Variants in TNFRSF11A observed in about 807,000 individuals in gnomAD.
TNFRSF11A encodes the protein tumor necrosis factor receptor superfamily member 11A.
TNFRSF11A carries 32 observed loss-of-function variants against 55.7 expected under a neutral mutation model. The ratio of observed to expected loss-of-function variants is 0.57; its 90% CI spans 0.43 to 0.77. TNFRSF11A has a LOEUF of 0.77. Among genes scored for constraint, TNFRSF11A ranks in the 30% least tolerant of loss-of-function variants. The pLI is 0.00. For missense variants in TNFRSF11A, 753 were observed against 809.8 expected, an observed-to-expected ratio of 0.93 and a Z score of 0.85; for synonymous variants, 311 against 331.0, an observed-to-expected ratio of 0.94 and a Z score of 0.65.
chr18:62,361,280 C>T (rs1251775476), intron 6 of TNFRSF11A, among the ~76,000 whole-genome samples: 1 of 151,690 alleles, frequency 6.6e-6, no homozygotes, highest in African/African-American at 2.4e-5. Flanking sequence ...CAGCAAACCC[C>T]TGGTGCCCTG....
chr18:62,365,306 G>T (rs1171144646), intron 7 of TNFRSF11A, among the ~76,000 whole-genome samples: 1 of 152,202 alleles, frequency 6.6e-6, no homozygotes, highest in Admixed American at 6.5e-5. Context: ...ATGTTCATTA[G>T]AAGTGGGATA....
At chr18:62,366,125 G>A (rs1910069798) in intron 7 of TNFRSF11A, among the ~76,000 whole-genome samples, 1 of 152,192 alleles carries the variant, frequency 6.6e-6, no homozygotes, top group African/African-American at 2.4e-5. Flanking sequence ...GCCCTTCATA[G>A]CCTTTAAATC....
At position 62,386,558 on chromosome 18, in the gene TNFRSF11A, C is replaced by G. The variant is rs1186118668; in HGVS notation, c.*1524C>G. On this transcript the variant is annotated 3_prime_UTR_variant, in exon 10 of 10. Coordinates refer to ENST00000586569, the MANE Select transcript of TNFRSF11A (RefSeq NM_003839.4). ...TGTTACCCAGTGAGCACTGGTTCCC[C>G]GCAAATACTGGGGAAAAGCAAAAAT... 6.6e-6 allele frequency: 1 copy of G among 152,104 alleles called. No homozygotes were observed. The highest frequency in any genetic ancestry group is 2.4e-5 in the African/African-American group (1 of 41,392). The allele number at this position is 152,104 out of a possible 1,614,324, so 9.4% of individuals were successfully genotyped here.
intron 3 of TNFRSF11A, 57 bp downstream of exon 3, chr18:62,349,994 T>A: frequency 6.2e-7 from 1 of 1,607,340 alleles, no homozygotes; most frequent in Non-Finnish European, 8.5e-7. Flanking sequence ...GACCTCTTTT[T>A]CTATAGAAAC....
rs386387923 is a variant in TNFRSF11A at position 62,363,365 on chromosome 18, C to CT, written c.730+1593dup. On this transcript the variant is annotated intron_variant, in intron 7 of 9. Coordinates refer to ENST00000586569, the MANE Select transcript of TNFRSF11A (RefSeq NM_003839.4). ...AGTGAGCAATGTTTGAGTGATGACCCTTTTTTTTTTTTTTTTTTTTTGAGA... is the reference window on the plus strand; with the variant it reads ...AGTGAGCAATGTTTGAGTGATGACCCTTTTTTTTTTTTTTTTTTTTTTGAGA... Among the ~76,000 whole-genome samples the CT allele has an allele frequency of 9.5e-3, 1,014 of 106,754 alleles. 27 individuals are homozygous for CT. The East Asian group carries it at 0.1, about 11-fold the overall frequency. 70.0% of individuals were successfully genotyped at this position (106,754 alleles called of 152,430 possible). A position where few individuals can be genotyped will look rare whatever the true frequency, so the allele number is the denominator to read the frequency against.
At chr18:62,326,441 T>C (rs553992774) in intron 1 of TNFRSF11A, among the ~76,000 whole-genome samples, 1 of 152,308 alleles carries the variant, frequency 6.6e-6, no homozygotes, top group African/African-American at 2.4e-5. Context: ...GTCAGTATGG[T>C]TGAGGGAAAC....
intron 1 of TNFRSF11A, among the ~76,000 whole-genome samples, chr18:62,337,730 G>T (rs887702970): frequency 6.6e-6 from 1 of 151,972 alleles, no homozygotes; most frequent in East Asian, 1.9e-4. Flanking sequence ...CAATTGTTGC[G>T]ACCAGATTTC....
In TNFRSF11A at chr18:62,385,041, C is replaced by T; in HGVS notation, c.*7C>T. On this transcript the variant is annotated 3_prime_UTR_variant, in exon 10 of 10. Coordinates refer to ENST00000586569, the MANE Select transcript of TNFRSF11A (RefSeq NM_003839.4). ...AGGCGGGGCCAAGGCTTGAGCGCCC[C>T]CCATGGCTGGGAGCCCGAAGCTCGG... 1.4e-6 allele frequency: 2 copies of T among 1,468,542 alleles called. No homozygotes were observed. The highest frequency in any genetic ancestry group is 1.8e-6 in the Non-Finnish European group (2 of 1,119,536). The allele number at this position is 1,468,542 out of a possible 1,614,324, so 91.0% of individuals were successfully genotyped here.
Position 62,358,092 on chromosome 18 carries a change from TAGA to T in TNFRSF11A, c.428-155_428-153del, listed in dbSNP as rs555196884. On this transcript the variant is annotated intron_variant, in intron 4 of 9. Coordinates refer to ENST00000586569, the MANE Select transcript of TNFRSF11A (RefSeq NM_003839.4). The stretch of plus-strand genomic sequence containing the variant: ...CCAAGCCTGTGGGAGCTGAAGAAGT[TAGA>T]CACAGGGGTGGGCACAGGGGTGGGA... 5.4e-3 allele frequency: 3,696 copies of T among 686,224 alleles called. 20 individuals are homozygous for T. Among genetic ancestry groups the T allele is most frequent in the Non-Finnish European group, 7.9e-3 (3,092 of 391,686 alleles). 42.5% of individuals were successfully genotyped at this position (686,224 alleles called of 1,614,324 possible).
At chr18:62,367,832 C>G (rs1269232998) in intron 8 of TNFRSF11A, among the ~76,000 whole-genome samples, 1 of 117,050 alleles carries the variant, frequency 8.5e-6, no homozygotes, top group Non-Finnish European at 1.6e-5. Context: ...CTCACTCTCT[C>G]ATCCAGGCTT....
chr18:62,361,286 C>T (rs1024219035), intron 6 of TNFRSF11A, among the ~76,000 whole-genome samples: 1 of 152,090 alleles, frequency 6.6e-6, no homozygotes, highest in Admixed American at 6.6e-5. Flanking sequence ...ACCCCTGGTG[C>T]CCTGTTGCTA....
chr18:62,359,599 T>G (rs1909520221), intron 5 of TNFRSF11A, among the ~76,000 whole-genome samples: 2 of 152,094 alleles, frequency 1.3e-5, no homozygotes, highest in South Asian at 4.2e-4. Flanking sequence ...GGCTAGTCTC[T>G]AATTCCTGGG....
intron 9 of TNFRSF11A, among the ~76,000 whole-genome samples, chr18:62,371,377 A>C (rs1257327384): frequency 6.6e-6 from 1 of 152,236 alleles, no homozygotes; most frequent in Admixed American, 6.5e-5. Flanking sequence ...AGAGAGAGAC[A>C]CATGGATCTT....
chr18:62,334,303 T>G (rs2046198707), intron 1 of TNFRSF11A, among the ~76,000 whole-genome samples: 1 of 152,190 alleles, frequency 6.6e-6, no homozygotes, highest in African/African-American at 2.4e-5. Context: ...GTGTATGTCT[T>G]GAATCACCAC....
intron 5 of TNFRSF11A, among the ~76,000 whole-genome samples, chr18:62,359,374 T>C (rs1909499390): frequency 6.6e-6 from 1 of 151,534 alleles, no homozygotes; most frequent in Non-Finnish European, 1.5e-5. Context: ...TTGAAGCTAT[T>C]GGAATATGCA....
intron 9 of TNFRSF11A, among the ~76,000 whole-genome samples, chr18:62,372,705 T>C (rs1490790576): frequency 6.6e-6 from 1 of 152,178 alleles, no homozygotes; most frequent in Non-Finnish European, 1.5e-5. Flanking sequence ...TGTTGCCTTC[T>C]TTATGTCCAT....
At position 62,389,725 on chromosome 18, in the gene TNFRSF11A, G is replaced by A. The variant is rs1911922393; in HGVS notation, c.*4691G>A. The A allele has an allele frequency of 6.6e-6, 1 of 152,136 alleles. No homozygotes were observed. Among genetic ancestry groups the A allele is most frequent in the Non-Finnish European group, 1.5e-5 (1 of 68,034 alleles). The allele number at this position is 152,136 out of a possible 1,614,324, so 9.4% of individuals were successfully genotyped here. ...ATTCATAAAACTGGCATACAGGAAT[G>A]TTTTAAAAAAATCTTTAAGATTACC... On this transcript the variant is annotated 3_prime_UTR_variant, in exon 10 of 10. Coordinates refer to ENST00000586569, the MANE Select transcript of TNFRSF11A (RefSeq NM_003839.4).
In TNFRSF11A at chr18:62,369,449, C is replaced by G; in HGVS notation, c.1532C>G (p.Ser511Cys). The G allele has an allele frequency of 6.2e-7, 1 of 1,609,660 alleles. No homozygotes were observed. The highest frequency in any genetic ancestry group is 8.5e-7 in the Non-Finnish European group (1 of 1,180,030). ...AGCTCAGCGAGGGCAGGTGCCGGGT[C>G]TGGAAGCTCCCCTGGTGGCCAGTCC... Reference protein sequence around the residue: ...LPSSARAGAGSGSSPGGQSPA... With the variant: ...LPSSARAGAGCGSSPGGQSPA... Residue 511 changes from serine (S) to cysteine (C), a missense_variant, in exon 9 of 10, where the codon TCT becomes TGT. By Grantham distance (112) the Ser-to-Cys change is moderately radical (BLOSUM62 -1). Coordinates refer to ENST00000586569, the MANE Select transcript of TNFRSF11A (RefSeq NM_003839.4).
chr18:62,376,367 C>T (rs1217920369), intron 9 of TNFRSF11A, among the ~76,000 whole-genome samples: 3 of 149,448 alleles, frequency 2.0e-5, no homozygotes, highest in Non-Finnish European at 4.4e-5. Context: ...AAAGGGATCC[C>T]GAGGAGAGGA....
Sources: gnomAD v4.1 joint callset for allele counts (sites outside exome capture counted in the v4.1 genomes callset) on GRCh38, gnomAD v4.1.1 for gene constraint, MANE v1.5 for transcripts, NCBI Gene and HGNC (gene_info 2026-07-23, HGNC 2026-07-21) for gene names.